The following MLIP variants were observed in gnomAD, a reference collection of about 807,000 sequenced individuals.
MLIP encodes muscular LMNA-interacting protein.
In MLIP, 79 loss-of-function variants were observed where a neutral mutation model predicts 84.8. The ratio of observed to expected loss-of-function variants is 0.93; its 90% CI spans 0.78 to 1.12. The LOEUF (loss-of-function observed/expected upper bound fraction) is 1.12. MLIP is among the 50% of genes most tolerant of loss of function. MLIP has a pLI of 0.00. For synonymous variants in MLIP, 504 were observed against 463.0 expected (o/e 1.09, Z -1.14); for missense variants, 1,257 against 1,160.6 (o/e 1.08, Z -1.21).
At chr6:54,162,184 G>A (rs1021121636) in intron 8 of MLIP, among the ~76,000 whole-genome samples, 2 of 151,946 alleles carry the variant, frequency 1.3e-5, no homozygotes, top group Non-Finnish European at 2.9e-5. Flanking sequence ...AGCTTTGAAT[G>A]TAGTGATCAA....
chr6:54,223,256 T>C (rs933515933), intron 11 of MLIP, among the ~76,000 whole-genome samples: 14 of 151,650 alleles, frequency 9.2e-5, no homozygotes, highest in Non-Finnish European at 1.6e-4. Flanking sequence ...ATCCCACTTA[T>C]CTATTTTTGC....
chr6:54,181,562 C>T (rs114714132), intron 9 of MLIP, among the ~76,000 whole-genome samples: 3,174 of 152,236 alleles, frequency 0.021, 48 homozygotes, highest in Middle Eastern at 0.048. Flanking sequence ...TTTACTTTTC[C>T]CTATGCTTTT....
chr6:54,072,590 T>C (rs1766553810), intron 1 of MLIP, among the ~76,000 whole-genome samples: 1 of 152,156 alleles, frequency 6.6e-6, no homozygotes, highest in African/African-American at 2.4e-5. Flanking sequence ...ATATTCTGAG[T>C]GAAATGAGGC....
At chr6:54,223,342 A>G (rs558814829) in intron 11 of MLIP, among the ~76,000 whole-genome samples, 2 of 151,902 alleles carry the variant, frequency 1.3e-5, no homozygotes, top group Admixed American at 6.6e-5. Context: ...TGTCAAGCAG[A>G]AGCTTTTTTT....
intron 12 of MLIP, among the ~76,000 whole-genome samples, chr6:54,239,375 T>TACATATA (rs1781576331): frequency 6.8e-6 from 1 of 147,234 alleles, no homozygotes; most frequent in Non-Finnish European, 1.5e-5. Flanking sequence ...ATAATATATA[T>TACATATA]ATATATAATA....
chr6:54,142,834 G>A (rs544063596), intron 4 of MLIP, among the ~76,000 whole-genome samples: 1 of 151,880 alleles, frequency 6.6e-6, no homozygotes, highest in Non-Finnish European at 1.5e-5. Flanking sequence ...GTGAAGATAA[G>A]ATTTCCATTA....
intron 1 of MLIP, among the ~76,000 whole-genome samples, chr6:54,037,012 C>T (rs1006706044): frequency 2.0e-5 from 3 of 151,920 alleles, no homozygotes; most frequent in Non-Finnish European, 4.4e-5. Flanking sequence ...GCAGTATTAC[C>T]CTTTGAGAAA....
At chr6:54,141,060 T>C (rs1304342259) in intron 4 of MLIP, among the ~76,000 whole-genome samples, 2 of 152,142 alleles carry the variant, frequency 1.3e-5, no homozygotes, top group South Asian at 4.1e-4. Flanking sequence ...AGGATATTAG[T>C]TTAAAGTCTG....
At chr6:54,145,598 C>A (rs934911764) in intron 4 of MLIP, among the ~76,000 whole-genome samples, 1 of 151,240 alleles carries the variant, frequency 6.6e-6, no homozygotes, top group African/African-American at 2.4e-5. Context: ...ATGGTAAGAA[C>A]CCATCTCTAC....
intron 10 of MLIP, among the ~76,000 whole-genome samples, chr6:54,190,951 G>A (rs530386435): frequency 1.7e-4 from 26 of 151,434 alleles, no homozygotes; most frequent in East Asian, 7.8e-4. Context: ...GCCCGCCACC[G>A]AGCCCGGCTA....
At chr6:54,254,763 C>T (rs1473685737) in intron 12 of MLIP, among the ~76,000 whole-genome samples, 3 of 139,244 alleles carry the variant, frequency 2.2e-5, no homozygotes, top group African/African-American at 8.4e-5. Flanking sequence ...TTCCTTCCTT[C>T]CTTCCCTTCC....
intron 1 of MLIP, chr6:54,046,108 C>A (rs1765033339): frequency 6.6e-6 from 1 of 152,108 alleles, no homozygotes; most frequent in African/African-American, 2.4e-5. Context: ...TCAGCCCAGC[C>A]ACTGGTGGCT....
Position 54,260,284 on chromosome 6 carries a change from A to C in MLIP, c.2976+2923A>C, listed in dbSNP as rs144639511. Among the ~76,000 whole-genome samples, 4 of 152,114 alleles carry C rather than the reference A, an allele frequency of 2.6e-5. No individual in the cohort carries two copies. The East Asian group carries it at 7.7e-4, about 29-fold the overall frequency. On this transcript the variant is annotated intron_variant, in intron 13 of 13. Transcript: ENST00000502396. ...CATTTAAAAGGAACTAACTCAAAAA[A>C]AAAAATTCCACTTAACATCTAGCTC...
intron 1 of MLIP, among the ~76,000 whole-genome samples, chr6:54,021,214 ATT>A (rs943575387): frequency 3.9e-5 from 6 of 152,304 alleles, no homozygotes; most frequent in Non-Finnish European, 8.8e-5. Flanking sequence ...GGAGTTCACT[ATT>A]TTCTGAAATT....
At chr6:54,107,786 T>C (rs1025876045), upstream of MLIP, among the ~76,000 whole-genome samples, 6 of 152,146 alleles carry the variant, frequency 3.9e-5, no homozygotes, top group Non-Finnish European at 8.8e-5. Context: ...TCTTCAGAGC[T>C]TAGAATCGTG....
chr6:54,258,055 T>C (rs1206142881), intron 13 of MLIP, among the ~76,000 whole-genome samples: 1 of 152,026 alleles, frequency 6.6e-6, no homozygotes, highest in Non-Finnish European at 1.5e-5. Context: ...CTGAACAGTG[T>C]TTTCTTCTTT....
chr6:54,245,892 G>A (rs1327285908), intron 12 of MLIP, among the ~76,000 whole-genome samples: 1 of 152,006 alleles, frequency 6.6e-6, no homozygotes, highest in Non-Finnish European at 1.5e-5. Context: ...AAACTTCAGG[G>A]CAAAATTTTT....
chr6:54,219,430 TC>T (rs1258938059), intron 11 of MLIP, among the ~76,000 whole-genome samples: 1 of 145,112 alleles, frequency 6.9e-6, no homozygotes, highest in Non-Finnish European at 1.5e-5. Flanking sequence ...AGGGTCAGGA[TC>T]ACAAGACATC....
At chr6:54,130,754 G>T (rs752611870) in intron 3 of MLIP, among the ~76,000 whole-genome samples, 5 of 152,116 alleles carry the variant, frequency 3.3e-5, no homozygotes, top group Admixed American at 6.5e-5. Flanking sequence ...GGTTCACAGA[G>T]GCAGTGTTGC....
Sources: gnomAD v4.1 joint callset for allele counts (sites outside exome capture counted in the v4.1 genomes callset) on GRCh38, gnomAD v4.1.1 for gene constraint, MANE v1.5 for transcripts, NCBI Gene and HGNC (gene_info 2026-07-23, HGNC 2026-07-21) for gene names.